Variants in NRXN1 observed in about 807,000 individuals in gnomAD.
NRXN1 encodes neurexin-1.
In NRXN1, 39 loss-of-function variants were observed where a neutral mutation model predicts 150.9. That is an observed-to-expected ratio of 0.26 (90% CI 0.20 to 0.34). NRXN1 has a LOEUF of 0.34. NRXN1 is among the 10% of genes least tolerant of loss of function. The probability of loss-of-function intolerance (pLI) is 1.00; values close to 1 mark genes in which losing one functional copy is unlikely to be tolerated. For synonymous variants in NRXN1, 924 were observed against 757.0 expected (o/e 1.22, Z -3.62); for missense variants, 1,815 against 1,949.9 (o/e 0.93, Z 1.30).
chr2:50,050,344 G>C (rs1692516736), intron 21 of NRXN1, among the ~76,000 whole-genome samples: 1 of 151,878 alleles, frequency 6.6e-6, no homozygotes, highest in Non-Finnish European at 1.5e-5. Context: ...TTTGAAATGA[G>C]TCCAATTTAA....
At chr2:50,742,004 C>G (rs941262713) in intron 5 of NRXN1, among the ~76,000 whole-genome samples, 1 of 151,748 alleles carries the variant, frequency 6.6e-6, no homozygotes, top group African/African-American at 2.4e-5. Context: ...TACTTGCCAA[C>G]AAATATCAAT....
At position 49,919,344 on chromosome 2, in the gene NRXN1, A is replaced by G. The variant is rs1667818444; in HGVS notation, c.*2600T>C. The G allele has an allele frequency of 6.6e-6, 1 of 152,108 alleles. No homozygotes were observed. Among genetic ancestry groups the G allele is most frequent in the Non-Finnish European group, 1.5e-5 (1 of 67,964 alleles). The allele number at this position is 152,108 out of a possible 1,614,324, so 9.4% of individuals were successfully genotyped here. On this transcript the variant is annotated 3_prime_UTR_variant, in exon 23 of 23. Transcript: ENST00000401669. ...GCTAGAGTTTGTGTAAGCCAATAAT[A>G]TTAGAAATAATTTTGCTGATAATAA...
intron 5 of NRXN1, among the ~76,000 whole-genome samples, chr2:50,681,267 T>C (rs1690360293): frequency 6.6e-6 from 1 of 152,202 alleles, no homozygotes; most frequent in Non-Finnish European, 1.5e-5. Flanking sequence ...TATCAGTCTT[T>C]CCAATGTTTA....
intron 17 of NRXN1, among the ~76,000 whole-genome samples, chr2:50,426,248 T>C (rs1024549824): frequency 2.0e-5 from 3 of 152,212 alleles, no homozygotes; most frequent in African/African-American, 4.8e-5. Context: ...GAACCGTGAA[T>C]GCCACCAATT....
At chr2:50,730,254 T>C (rs754835244) in intron 5 of NRXN1, among the ~76,000 whole-genome samples, 22 of 152,200 alleles carry the variant, frequency 1.4e-4, no homozygotes, top group Non-Finnish European at 2.9e-4. Context: ...AAGATTCTTA[T>C]GGTCTACTAT....
intron 5 of NRXN1, among the ~76,000 whole-genome samples, chr2:50,840,660 A>G (rs1015160155): frequency 1.3e-5 from 2 of 152,130 alleles, no homozygotes; most frequent in African/African-American, 4.8e-5. Flanking sequence ...GTTACACACA[A>G]AAGAGAAGCG....
intron 5 of NRXN1, among the ~76,000 whole-genome samples, chr2:50,723,623 C>G (rs1040883348): frequency 2.0e-5 from 3 of 152,156 alleles, no homozygotes; most frequent in East Asian, 3.9e-4. Context: ...ATAAAGTTAC[C>G]CAGAGGGCCT....
chr2:50,243,201 T>C (rs2066183698), intron 17 of NRXN1, among the ~76,000 whole-genome samples: 1 of 151,642 alleles, frequency 6.6e-6, no homozygotes, highest in Non-Finnish European at 1.5e-5. Flanking sequence ...ATGATAAATA[T>C]ATGAGATGAT....
intron 8 of NRXN1, 56 bp downstream of exon 8, chr2:50,619,966 G>A (rs939099470): frequency 1.4e-6 from 2 of 1,438,010 alleles, no homozygotes; most frequent in African/African-American, 1.4e-5. Context: ...TTTCATGCTG[G>A]ATCTGAAATG....
At chr2:50,813,751 A>T (rs930495416) in intron 5 of NRXN1, among the ~76,000 whole-genome samples, 1 of 152,136 alleles carries the variant, frequency 6.6e-6, no homozygotes, top group Non-Finnish European at 1.5e-5. Context: ...TTTAATTAAA[A>T]GCTCAAAATC....
intron 17 of NRXN1, among the ~76,000 whole-genome samples, chr2:50,281,665 A>G (rs1175142507): frequency 1.3e-5 from 2 of 152,170 alleles, no homozygotes; most frequent in African/African-American, 2.4e-5. Flanking sequence ...CAAGAGCTCA[A>G]AGATGATAAA....
chr2:50,383,695 G>A (rs1006547982), intron 17 of NRXN1, among the ~76,000 whole-genome samples: 1 of 152,112 alleles, frequency 6.6e-6, no homozygotes, highest in Non-Finnish European at 1.5e-5. Flanking sequence ...GGTACTCCCT[G>A]AAAATAATAT....
intron 18 of NRXN1, among the ~76,000 whole-genome samples, chr2:50,220,323 A>G (rs765660754): frequency 3.3e-5 from 5 of 151,886 alleles, no homozygotes; most frequent in Non-Finnish European, 5.9e-5. Context: ...CAGAGTGTGC[A>G]TAATAACCTT....
chr2:50,830,524 T>C (rs1671264828), intron 5 of NRXN1, among the ~76,000 whole-genome samples: 1 of 151,704 alleles, frequency 6.6e-6, no homozygotes, highest in Non-Finnish European at 1.5e-5. Context: ...CATCATATAC[T>C]ATCTACTATA....
intron 5 of NRXN1, among the ~76,000 whole-genome samples, chr2:50,742,835 A>G (rs1256180291): frequency 6.6e-6 from 1 of 152,122 alleles, no homozygotes; most frequent in Non-Finnish European, 1.5e-5. Context: ...ACTTCAGGAA[A>G]TATTCTCCAC....
chr2:50,260,832 G>A (rs975961382), intron 17 of NRXN1, among the ~76,000 whole-genome samples: 2 of 151,554 alleles, frequency 1.3e-5, no homozygotes, highest in Admixed American at 6.6e-5. Flanking sequence ...ACTGTGACTT[G>A]AAAAACGAGA....
In NRXN1 at chr2:50,040,898, G is replaced by A. The variant is rs141875806; in HGVS notation, c.4128+12373C>T. Among the ~76,000 whole-genome samples the A allele has an allele frequency of 9.5e-3, 1,441 of 151,446 alleles. 11 individuals carry two copies. Among genetic ancestry groups the A allele is most frequent in the Non-Finnish European group, 0.011 (735 of 67,890 alleles). The stretch of plus-strand genomic sequence containing the variant: ...TTTTAAATTACACTTTAAGTTTTAG[G>A]GTACATGTGCACAATGTGCAGGTTT... On this transcript the variant is annotated intron_variant, in intron 21 of 22. Coordinates refer to ENST00000401669, the MANE Select transcript of NRXN1 (RefSeq NM_001330078.2).
At chr2:50,897,995 A>C (rs1208282309) in intron 5 of NRXN1, among the ~76,000 whole-genome samples, 1 of 152,200 alleles carries the variant, frequency 6.6e-6, no homozygotes, top group Non-Finnish European at 1.5e-5. Flanking sequence ...CTTCCACTAT[A>C]GTTTGAACTA....
At chr2:50,818,844 C>A (rs911995264) in intron 5 of NRXN1, among the ~76,000 whole-genome samples, 1 of 151,872 alleles carries the variant, frequency 6.6e-6, no homozygotes, top group East Asian at 1.9e-4. Context: ...GATTAAAAAG[C>A]GGGCAAAGAA....
Sources: allele counts gnomAD v4.1 joint callset (sites outside exome capture counted in the v4.1 genomes callset), GRCh38; gene constraint gnomAD v4.1.1; transcripts MANE v1.5; gene names NCBI Gene and HGNC (gene_info 2026-07-23, HGNC 2026-07-21).